TBC1D4: variants seen among roughly 807,000 people sequenced by gnomAD.
TBC1D4 encodes TBC1 domain family member 4.
A neutral mutation model predicts 142.5 loss-of-function variants in TBC1D4; 121 were observed. The ratio of observed to expected loss-of-function variants is 0.85; its 90% CI spans 0.73 to 0.99. TBC1D4 has a LOEUF of 0.99. Ranked by LOEUF, TBC1D4 falls within the 50% of genes least tolerant of loss-of-function variation. The probability of loss-of-function intolerance (pLI) is 0.00; values close to 1 mark genes in which losing one functional copy is unlikely to be tolerated. For missense variants in TBC1D4, 1,475 were observed against 1,606.6 expected (o/e 0.92, Z 1.40); for synonymous variants, 630 against 628.2 (o/e 1.00, Z -0.04).
chr13:75,355,163 G>A (rs1413499576), intron 4 of TBC1D4, among the ~76,000 whole-genome samples: 2 of 152,182 alleles, frequency 1.3e-5, no homozygotes, highest in African/African-American at 4.8e-5. Flanking sequence ...AGGGATAATT[G>A]TGATATTCAC....
intron 1 of TBC1D4, among the ~76,000 whole-genome samples, chr13:75,442,385 T>C (rs553626093): frequency 5.2e-4 from 79 of 152,290 alleles, no homozygotes; most frequent in East Asian, 1.9e-3. Context: ...TTTTTAAGAT[T>C]CTAATAACAA....
chr13:75,319,753 CCACAG>C, intron 12 of TBC1D4, among the ~76,000 whole-genome samples: 1 of 152,220 alleles, frequency 6.6e-6, no homozygotes, highest in Middle Eastern at 3.4e-3. Context: ...TGGTTGAAGG[CCACAG>C]CACAGCTCTA....
chr13:75,426,296 G>C (rs1406947238), intron 1 of TBC1D4, among the ~76,000 whole-genome samples: 1 of 152,124 alleles, frequency 6.6e-6, no homozygotes, highest in Non-Finnish European at 1.5e-5. Context: ...CAAGTGTTGG[G>C]GAGGATGTGT....
At chr13:75,422,742 G>A (rs751877454) in intron 1 of TBC1D4, among the ~76,000 whole-genome samples, 34 of 152,150 alleles carry the variant, frequency 2.2e-4, no homozygotes, top group Admixed American at 7.9e-4. Flanking sequence ...AAACTGAGGA[G>A]TGAGGGGGAA....
chr13:75,417,643 A>G (rs1310671790), intron 1 of TBC1D4, among the ~76,000 whole-genome samples: 2 of 152,188 alleles, frequency 1.3e-5, no homozygotes, highest in African/African-American at 4.8e-5. Flanking sequence ...GCATGAAAGG[A>G]TGTGGCCTCC....
At chr13:75,427,158 G>A (rs4369537) in intron 1 of TBC1D4, among the ~76,000 whole-genome samples, 26,557 of 150,922 alleles carry the variant, frequency 0.18, 2,617 homozygotes, top group East Asian at 0.3. Flanking sequence ...GCGCGATCTC[G>A]CTCACTGCAA....
At chr13:75,304,097 G>A (rs1876900460) in intron 15 of TBC1D4, among the ~76,000 whole-genome samples, 1 of 152,132 alleles carries the variant, frequency 6.6e-6, no homozygotes, top group African/African-American at 2.4e-5. Context: ...AGAATAGCAA[G>A]CATATTTTCA....
At chr13:75,470,181 G>A (rs554339384) in intron 1 of TBC1D4, among the ~76,000 whole-genome samples, 16 of 152,010 alleles carry the variant, frequency 1.1e-4, no homozygotes, top group African/African-American at 3.9e-4. Context: ...TTCCATAAAG[G>A]ACCAGATAAT....
intron 1 of TBC1D4, among the ~76,000 whole-genome samples, chr13:75,441,856 T>G (rs1296268775): frequency 6.6e-6 from 1 of 152,224 alleles, no homozygotes; most frequent in Non-Finnish European, 1.5e-5. Flanking sequence ...TGATCTACAT[T>G]ACAACTTAAT....
intron 1 of TBC1D4, among the ~76,000 whole-genome samples, chr13:75,427,279 G>C (rs1004216493): frequency 6.6e-6 from 1 of 152,084 alleles, no homozygotes; most frequent in East Asian, 1.9e-4. Flanking sequence ...AGTAGAGACG[G>C]GGTTTCACCG....
rs966533931 is a variant in TBC1D4, at chr13:75,364,926, T to C, written c.499-2319A>G. 5.3e-5 allele frequency among the ~76,000 whole-genome samples: 8 copies of C among 152,218 alleles called. No homozygotes were observed. The South Asian group carries it at 1.0e-3, about 20-fold the overall frequency. On this transcript the variant is annotated intron_variant, in intron 1 of 20. Coordinates refer to ENST00000377636, the MANE Select transcript of TBC1D4 (RefSeq NM_014832.5). ...GTTACAAATATTTAAATGATTTACATACAACCTCAGAGTTCCATTCTACAA... is the reference window on the plus strand; with the variant it reads ...GTTACAAATATTTAAATGATTTACACACAACCTCAGAGTTCCATTCTACAA...
At chr13:75,390,009 C>T (rs1884379833) in intron 1 of TBC1D4, among the ~76,000 whole-genome samples, 1 of 152,120 alleles carries the variant, frequency 6.6e-6, no homozygotes, top group South Asian at 2.1e-4. Context: ...GGCATGGTGG[C>T]TCATGCCTGT....
At chr13:75,451,211 T>C (rs1887517455) in intron 1 of TBC1D4, among the ~76,000 whole-genome samples, 1 of 152,164 alleles carries the variant, frequency 6.6e-6, no homozygotes, top group Admixed American at 6.5e-5. Context: ...TTCTTGTCCA[T>C]AAGATGGAGT....
intron 18 of TBC1D4, among the ~76,000 whole-genome samples, chr13:75,293,722 T>C (rs142755008): frequency 2.0e-5 from 3 of 152,368 alleles, no homozygotes; most frequent in Non-Finnish European, 4.4e-5. Context: ...GTAACACTAA[T>C]GCAGTGTTTA....
intron 20 of TBC1D4, among the ~76,000 whole-genome samples, chr13:75,288,236 G>C (rs1206406844): frequency 6.6e-6 from 1 of 151,928 alleles, no homozygotes; most frequent in East Asian, 1.9e-4. Flanking sequence ...TTCCATTTTA[G>C]TCTAGACAAC....
Position 75,309,980 on chromosome 13 carries a change from A to G in TBC1D4, c.2555T>C (p.Leu852Ser). ...LWRKAIHQQI[L>S]LLRMEKENQK... ...GTTTTCTTTTTCCATTCGAAGTAAC[A>G]AGATTTGTTGGTGTATAGCTTTTCT... The change falls in exon 14 of 21, where the codon TTG becomes TCG. Residue 852 changes from leucine (L) to serine (S), a missense_variant. Transcript: ENST00000377636. 6.2e-7 allele frequency: 1 copy of G among 1,614,142 alleles called. No individual in the cohort carries two copies. The highest frequency in any genetic ancestry group is 8.5e-7 in the Non-Finnish European group (1 of 1,179,986).
chr13:75,451,837 T>C (rs1218708412), intron 1 of TBC1D4, among the ~76,000 whole-genome samples: 1 of 151,188 alleles, frequency 6.6e-6, no homozygotes, highest in East Asian at 1.9e-4. Context: ...CAAATGTGTA[T>C]ATATATTAAA....
chr13:75,451,609 G>A (rs1324547706), intron 1 of TBC1D4, among the ~76,000 whole-genome samples: 5 of 150,300 alleles, frequency 3.3e-5, no homozygotes, highest in Non-Finnish European at 7.4e-5. Flanking sequence ...GAGCCCAGGA[G>A]TTTGAGGATG....
At chr13:75,477,257 A>G (rs1407713805) in intron 1 of TBC1D4, among the ~76,000 whole-genome samples, 1 of 152,224 alleles carries the variant, frequency 6.6e-6, no homozygotes. Context: ...TTTGAAAAAG[A>G]ACTGAAAAAT....
Sources: gnomAD v4.1 joint callset for allele counts (sites outside exome capture counted in the v4.1 genomes callset) on GRCh38, gnomAD v4.1.1 for gene constraint, MANE v1.5 for transcripts, NCBI Gene and HGNC (gene_info 2026-07-23, HGNC 2026-07-21) for gene names.